Variants in CCDC62 observed in about 807,000 individuals in gnomAD.
CCDC62 encodes coiled-coil domain-containing protein 62.
In CCDC62, 72 loss-of-function variants were observed where a neutral mutation model predicts 80.8. The ratio of observed to expected loss-of-function variants is 0.89; its 90% confidence interval spans 0.74 to 1.08. The LOEUF (loss-of-function observed/expected upper bound fraction) is 1.08, where lower values mean the gene tolerates loss of function less well. Among genes scored for constraint, CCDC62 ranks in the 50% least tolerant of loss-of-function variants. The pLI is 0.00. For missense variants in CCDC62, 704 were observed against 809.4 expected, an observed-to-expected ratio of 0.87 and a Z score of 1.58; for synonymous variants, 286 against 296.5, an observed-to-expected ratio of 0.96 and a Z score of 0.36.
chr12:122,786,116 T>A (rs2030205753), intron 4 of CCDC62, among the ~76,000 whole-genome samples: 1 of 152,078 alleles, frequency 6.6e-6, no homozygotes, highest in South Asian at 2.1e-4. Context: ...TCTCATAGAG[T>A]TATGGGCCAT....
chr12:122,799,386 G>A (rs1034545958), intron 8 of CCDC62, among the ~76,000 whole-genome samples: 4 of 152,136 alleles, frequency 2.6e-5, no homozygotes, highest in Admixed American at 6.6e-5. Context: ...TAGGTATATA[G>A]GGCATGGCAC....
intron 4 of CCDC62, among the ~76,000 whole-genome samples, chr12:122,788,463 G>A (rs1418801100): frequency 2.6e-5 from 4 of 152,150 alleles, no homozygotes; most frequent in African/African-American, 7.2e-5. Context: ...GAGAGTAAGG[G>A]GTAGTGGTTC....
intron 10 of CCDC62, 147 bp downstream of exon 10, chr12:122,806,442 T>C (rs2031610986): frequency 1.6e-6 from 1 of 611,116 alleles, no homozygotes; most frequent in African/African-American, 1.9e-5. Context: ...GATTTTAAGA[T>C]GCTTTTAAGG....
chr12:122,778,493 A>C (rs1017606328), intron 2 of CCDC62, among the ~76,000 whole-genome samples: 1 of 152,290 alleles, frequency 6.6e-6, no homozygotes, highest in Admixed American at 6.5e-5. Context: ...AGTAGAATGC[A>C]TTAGAGGAGA....
At chr12:122,812,789 A>G (rs867268483) in intron 10 of CCDC62, among the ~76,000 whole-genome samples, 38 of 125,274 alleles carry the variant, frequency 3.0e-4, no homozygotes, top group African/African-American at 1.5e-3. Context: ...GAAAGAAAGA[A>G]AGAAAGAAAG....
At chr12:122,786,980 A>C (rs1381823570) in intron 4 of CCDC62, among the ~76,000 whole-genome samples, 1 of 152,174 alleles carries the variant, frequency 6.6e-6, no homozygotes, top group African/African-American at 2.4e-5. Flanking sequence ...AATTAAATTA[A>C]AGAGAAAATA....
At chr12:122,783,938 G>A (rs2030043189) in intron 3 of CCDC62, among the ~76,000 whole-genome samples, 1 of 152,134 alleles carries the variant, frequency 6.6e-6, no homozygotes, top group South Asian at 2.1e-4. Context: ...GTCACTCTTT[G>A]TGTTTACATT....
intron 9 of CCDC62, 126 bp from the exon 10 acceptor site, chr12:122,806,025 C>T: frequency 1.3e-6 from 1 of 775,274 alleles, no homozygotes. Flanking sequence ...ATGTTCTACT[C>T]AAACTTGACC....
intron 1 of CCDC62, among the ~76,000 whole-genome samples, chr12:122,776,195 T>G (rs1371089862): frequency 6.6e-6 from 1 of 152,214 alleles, no homozygotes; most frequent in African/African-American, 2.4e-5. Context: ...GATGTTAAAA[T>G]GCAGTTGCTA....
intron 9 of CCDC62, 52 bp downstream of exon 9, chr12:122,801,904 T>G: frequency 5.1e-6 from 8 of 1,562,694 alleles, no homozygotes; most frequent in Non-Finnish European, 6.9e-6. Flanking sequence ...TGCCAGTATT[T>G]GGAAATACAA....
rs2031689819 is a variant in CCDC62, at chr12:122,807,917, G to A, written c.1851+1622G>A. The stretch of plus-strand genomic sequence containing the variant: ...TGTAATTATTTTGAGATTAACTTAT[G>A]TGACTGTGTATATAAATAATTCCTT... On this transcript the variant is annotated intron_variant, in intron 10 of 12. Coordinates refer to ENST00000253079, the MANE Select transcript of CCDC62 (RefSeq NM_201435.5). Among the ~76,000 whole-genome samples the A allele has an allele frequency of 1.3e-5, 2 of 152,088 alleles. 1 individual carries two copies. The highest frequency in any genetic ancestry group is 4.1e-4 in the South Asian group (2 of 4,830).
At chr12:122,795,632 G>T (rs1036548690) in intron 6 of CCDC62, among the ~76,000 whole-genome samples, 4 of 152,044 alleles carry the variant, frequency 2.6e-5, no homozygotes, top group Non-Finnish European at 4.4e-5. Context: ...CACCGTGTTA[G>T]CCAGGATGGT....
At chr12:122,785,271 C>A (rs141332266) in intron 3 of CCDC62, among the ~76,000 whole-genome samples, 1 of 152,260 alleles carries the variant, frequency 6.6e-6, no homozygotes, top group East Asian at 1.9e-4. Context: ...GTATGAAGTT[C>A]TTTCGACAAA....
intron 5 of CCDC62, among the ~76,000 whole-genome samples, chr12:122,790,640 A>T (rs2135543779): frequency 6.6e-6 from 1 of 152,238 alleles, no homozygotes; most frequent in East Asian, 1.9e-4. Flanking sequence ...TGGGCAACAG[A>T]GCAAGATCCT....
intron 8 of CCDC62, 82 bp downstream of exon 8, chr12:122,798,282 G>A (rs914126764): frequency 2.7e-6 from 2 of 740,894 alleles, no homozygotes; most frequent in South Asian, 1.5e-5. Context: ...CTGTTGGCCA[G>A]TACTGACTAC....
chr12:122,797,687 C>T (rs1029800173), intron 7 of CCDC62, among the ~76,000 whole-genome samples: 13 of 152,010 alleles, frequency 8.6e-5, no homozygotes, highest in Non-Finnish European at 4.4e-5. Flanking sequence ...ATTACATGTG[C>T]CCACCACCAC....
intron 2 of CCDC62, among the ~76,000 whole-genome samples, chr12:122,778,865 C>T (rs796297238): frequency 2.6e-5 from 4 of 151,726 alleles, no homozygotes; most frequent in African/African-American, 4.9e-5. Flanking sequence ...GGCGACAGAG[C>T]GAGACTCCGT....
At chr12:122,780,305 C>T (rs1290415273) in intron 2 of CCDC62, among the ~76,000 whole-genome samples, 3 of 140,902 alleles carry the variant, frequency 2.1e-5, no homozygotes, top group South Asian at 2.3e-4. Flanking sequence ...AGGGAGGCTC[C>T]GTCTCAACGA....
rs187473703 is a variant in CCDC62 at position 122,792,324 on chromosome 12, G to T, written c.772+203G>T. On this transcript the variant is annotated intron_variant, in intron 6 of 12. Transcript: ENST00000253079. ...CAACTTCTGCCTCCCGGGCCCAAGC[G>T]ATTCTCCTGCCTCAGCCTCCTTAGT... Among the ~76,000 whole-genome samples, 3 of 149,712 alleles carry T rather than the reference G, an allele frequency of 2.0e-5. No individual in the cohort carries two copies. The East Asian group carries it at 6.0e-4, about 30-fold the overall frequency.
Sources: gnomAD v4.1 joint callset for allele counts (sites outside exome capture counted in the v4.1 genomes callset) on GRCh38, gnomAD v4.1.1 for gene constraint, MANE v1.5 for transcripts, NCBI Gene and HGNC (gene_info 2026-07-23, HGNC 2026-07-21) for gene names.